CFAP45: variants seen among roughly 807,000 people sequenced by gnomAD.
CFAP45 encodes the protein cilia- and flagella-associated protein 45.
A neutral mutation model predicts 75.6 loss-of-function variants in CFAP45; 43 were observed. That is an observed-to-expected ratio of 0.57 (90% CI 0.45 to 0.73). The LOEUF (loss-of-function observed/expected upper bound fraction) is 0.73, where lower values mean the gene tolerates loss of function less well. Ranked by LOEUF, CFAP45 falls within the 30% of genes least tolerant of loss-of-function variation. The pLI is 0.00. For synonymous variants in CFAP45, 223 were observed against 244.6 expected (o/e 0.91, Z 0.82); for missense variants, 689 against 701.5 (o/e 0.98, Z 0.20).
intron 1 of CFAP45, among the ~76,000 whole-genome samples, chr1:159,896,670 A>G (rs2494487): frequency 0.23 from 34,426 of 152,090 alleles, 7,228 homozygotes; most frequent in African/African-American, 0.56. Flanking sequence ...TGCTTGCAGG[A>G]AGATAACTCT....
intron 7 of CFAP45, among the ~76,000 whole-genome samples, chr1:159,882,973 C>A (rs1167327672): frequency 6.6e-6 from 1 of 152,122 alleles, no homozygotes; most frequent in Non-Finnish European, 1.5e-5. Context: ...TCCCAACTAC[C>A]CAGGTGATCT....
At chr1:159,894,093 A>G (rs114563762) in intron 1 of CFAP45, among the ~76,000 whole-genome samples, 54 of 152,286 alleles carry the variant, frequency 3.5e-4, no homozygotes, top group Non-Finnish European at 6.2e-4. Flanking sequence ...ATACCCCATA[A>G]ATGTGTACAA....
Position 159,888,017 on chromosome 1 carries a change from G to A in CFAP45, c.418-6C>T, listed in dbSNP as rs1649732920. ...TTTCGTGTCATCACTGCATCCTAAG[G>A]GAGACCAGTCTGGCTCAGTGGGAGA... On this transcript the variant is annotated splice_region_variant and splice_polypyrimidine_tract_variant and intron_variant, in intron 4 of 11. Transcript: ENST00000368099. 1 of 1,613,324 alleles carries A rather than the reference G, an allele frequency of 6.2e-7. No homozygotes were observed. The highest frequency in any genetic ancestry group is 1.1e-5 in the South Asian group (1 of 91,056).
intron 1 of CFAP45, among the ~76,000 whole-genome samples, chr1:159,896,929 G>T (rs921441568): frequency 1.6e-4 from 24 of 152,210 alleles, no homozygotes; most frequent in African/African-American, 5.5e-4. Context: ...GATATAGGAT[G>T]ATCTCCATAA....
In CFAP45 at chr1:159,880,663, T is replaced by C. The variant is rs1649527746; in HGVS notation, c.935A>G (p.Gln312Arg). 2.2e-5 allele frequency: 36 copies of C among 1,613,900 alleles called. No homozygotes were observed. Among genetic ancestry groups the C allele is most frequent in the Non-Finnish European group, 3.1e-5 (36 of 1,179,912 alleles). Residue 312 changes from glutamine (Q) to arginine (R), a missense_variant, in exon 8 of 12, where the codon CAA becomes CGA. By Grantham distance (43) the Gln-to-Arg change is conservative (BLOSUM62 1). Transcript: ENST00000368099. ...ATCATTGATGCGCTTAATCTCAGCT[T>C]GCATCTTCAGTTTTTGTTGCTGCCT... Reference protein sequence around the residue: ...ERRQQQKLKMQAEIKRINDEN... With the variant: ...ERRQQQKLKMRAEIKRINDEN...
chr1:159,886,444 A>G, intron 6 of CFAP45, 67 bp downstream of exon 6: 4 of 1,341,068 alleles, frequency 3.0e-6, no homozygotes, highest in Non-Finnish European at 3.2e-6. Context: ...CCTCTTTGCT[A>G]GGCTACATGG....
At chr1:159,887,254 G>A (rs1649711751) in intron 5 of CFAP45, among the ~76,000 whole-genome samples, 1 of 152,192 alleles carries the variant, frequency 6.6e-6, no homozygotes, top group Non-Finnish European at 1.5e-5. Flanking sequence ...AATTAAAGGA[G>A]GCATACATAG....
chr1:159,883,056 C>G (rs957233632), intron 7 of CFAP45, among the ~76,000 whole-genome samples: 2 of 152,176 alleles, frequency 1.3e-5, no homozygotes, highest in African/African-American at 4.8e-5. Context: ...AGTCTGCCCA[C>G]CTGCAGCACT....
At chr1:159,880,778 G>T in intron 7 of CFAP45, 78 bp from the exon 8 acceptor site, 1 of 1,401,926 alleles carries the variant, frequency 7.1e-7, no homozygotes, top group Non-Finnish European at 9.9e-7. Flanking sequence ...ATAGAGAGAT[G>T]CAGACAGAGG....
chr1:159,884,635 TA>T, intron 6 of CFAP45, 70 bp from the exon 7 acceptor site: 6 of 1,490,044 alleles, frequency 4.0e-6, no homozygotes, highest in Non-Finnish European at 5.5e-6. Context: ...AACCTCCACC[TA>T]AACAACCCCC....
At chr1:159,875,737 G>A (rs1279216292) in intron 10 of CFAP45, among the ~76,000 whole-genome samples, 2 of 152,220 alleles carry the variant, frequency 1.3e-5, no homozygotes, top group Non-Finnish European at 2.9e-5. Flanking sequence ...AGAGCAAAAA[G>A]AGAGTCATTC....
intron 8 of CFAP45, among the ~76,000 whole-genome samples, chr1:159,878,939 T>C (rs1366522287): frequency 6.6e-6 from 1 of 151,892 alleles, no homozygotes; most frequent in Non-Finnish European, 1.5e-5. Flanking sequence ...CAATTTCTGC[T>C]TTTAGCTCTG....
At chr1:159,888,124 T>C in intron 4 of CFAP45, 113 bp from the exon 5 acceptor site, 1 of 1,265,342 alleles carries the variant, frequency 7.9e-7, no homozygotes, top group African/African-American at 1.5e-5. Flanking sequence ...CCAGTGATGA[T>C]GTCAGAGCCA....
At position 159,883,623 on chromosome 1, in the gene CFAP45, A is replaced by AATATAT. The variant is rs59275156; in HGVS notation, c.897+807_897+812dup. Among the ~76,000 whole-genome samples, 553 of 72,028 alleles carry AATATAT rather than the reference A, an allele frequency of 7.7e-3. 2 individuals carry two copies. Among genetic ancestry groups the AATATAT allele is most frequent in the South Asian group, 0.013 (21 of 1,666 alleles). The allele number at this position is 72,028 out of a possible 152,430, so 47.3% of individuals were successfully genotyped here. A position where few individuals can be genotyped will look rare whatever the true frequency, so the allele number is the denominator to read the frequency against. ...TTACTTTCAAATAGTTTAACAATAA[A>AATATAT]ATATATATATATATATATATATATA... On this transcript the variant is annotated intron_variant, in intron 7 of 11. Transcript: ENST00000368099.
chr1:159,876,057 G>A (rs1649392842), intron 10 of CFAP45, among the ~76,000 whole-genome samples: 1 of 152,196 alleles, frequency 6.6e-6, no homozygotes, highest in African/African-American at 2.4e-5. Flanking sequence ...AATTGCTAAT[G>A]TCCTCCATGG....
intron 5 of CFAP45, among the ~76,000 whole-genome samples, chr1:159,887,223 C>A (rs1649711128): frequency 6.6e-6 from 1 of 152,002 alleles, no homozygotes; most frequent in African/African-American, 2.4e-5. Flanking sequence ...GAATAAGAAC[C>A]CAAAAGTAAA....
chr1:159,882,530 C>T (rs6656176), intron 7 of CFAP45, among the ~76,000 whole-genome samples: 117,053 of 152,082 alleles, frequency 0.77, 45,087 homozygotes, highest in Admixed American at 0.84. Context: ...TTCACTCTTT[C>T]CCCCTTTGTT....
At position 159,888,433 on chromosome 1, in the gene CFAP45, G is replaced by A. The variant is rs1237432203; in HGVS notation, c.336C>T (p.Ile112=). 2 of 1,606,406 alleles carry A rather than the reference G, an allele frequency of 1.2e-6. No homozygotes were observed. Among genetic ancestry groups the A allele is most frequent in the Non-Finnish European group, 1.7e-6 (2 of 1,174,140 alleles). The change falls in exon 4 of 12, where the codon ATC becomes ATT. Residue 112 remains isoleucine (I), a synonymous_variant. Coordinates refer to ENST00000368099, the MANE Select transcript of CFAP45 (RefSeq NM_012337.3). ...TGGTCAGGACATGGGATGCCCATTTGATTCGCTCAAACTCCTCAGGGCTGA... is the reference window on the plus strand; with the variant it reads ...TGGTCAGGACATGGGATGCCCATTTAATTCGCTCAAACTCCTCAGGGCTGA... ...LIISPEEFER[I]KWASHVLTRE...
Position 159,884,559 on chromosome 1 carries a change from C to G in CFAP45, c.774G>C (p.Arg258Ser). 2 of 1,613,492 alleles carry G rather than the reference C, an allele frequency of 1.2e-6. No individual in the cohort carries two copies. The highest frequency in any genetic ancestry group is 1.7e-6 in the Non-Finnish European group (2 of 1,179,872). ...TTTCCATCTGTTCCACAATTTGCCG[C>G]CTTCCTCTTGGAGAGAACAGTGCCA... ...RKRREERIRG[R>S]RQIVEQMEKN... The change falls in exon 7 of 12, where the codon AGG becomes AGC. Residue 258 changes from arginine to serine, a missense_variant. Transcript: ENST00000368099.
Sources: gnomAD v4.1 joint callset for allele counts (sites outside exome capture counted in the v4.1 genomes callset) on GRCh38, gnomAD v4.1.1 for gene constraint, MANE v1.5 for transcripts, NCBI Gene and HGNC (gene_info 2026-07-23, HGNC 2026-07-21) for gene names.